NCAM1: variants seen among roughly 807,000 people sequenced by gnomAD.
NCAM1 encodes the protein neural cell adhesion molecule 1, also known as antigen recognized by monoclonal antibody 5.1H11.
NCAM1 carries 14 observed loss-of-function variants against 109.8 expected under a neutral mutation model. That is an observed-to-expected ratio of 0.13 (90% CI 0.08 to 0.20). The LOEUF (loss-of-function observed/expected upper bound fraction) is 0.20. Among genes scored for constraint, NCAM1 ranks in the 10% least tolerant of loss-of-function variants. NCAM1 has a pLI of 1.00. For missense variants in NCAM1, 774 were observed against 1,109.9 expected (o/e 0.70, Z 4.30); for synonymous variants, 418 against 442.9 (o/e 0.94, Z 0.70).
chr11:113,265,062 T>C (rs1166548648), intron 17 of NCAM1: 2 of 985,326 alleles, frequency 2.0e-6, no homozygotes, highest in Non-Finnish European at 2.4e-6. Flanking sequence ...TTGCTCATTT[T>C]TGGACTATTT....
chr11:113,215,237 A>C (rs1944494376), intron 8 of NCAM1, among the ~76,000 whole-genome samples: 1 of 152,220 alleles, frequency 6.6e-6, no homozygotes, highest in Non-Finnish European at 1.5e-5. Context: ...AGGTGACCCC[A>C]CATCATACAG....
chr11:113,201,684 C>A (rs1351064772), intron 1 of NCAM1, among the ~76,000 whole-genome samples: 6 of 152,168 alleles, frequency 3.9e-5, no homozygotes, highest in African/African-American at 1.4e-4. Context: ...GGGAAAGTAG[C>A]CAAGGGACCC....
chr11:113,006,099 C>G (rs1555073275), intron 1 of NCAM1, among the ~76,000 whole-genome samples: 1 of 152,070 alleles, frequency 6.6e-6, no homozygotes, highest in Non-Finnish European at 1.5e-5. Flanking sequence ...TCAAAAAATT[C>G]TGGCAGTTTC....
rs2137815423 is a variant in NCAM1, at chr11:113,274,681, G to A, written c.2457-586G>A. 6.6e-6 allele frequency among the ~76,000 whole-genome samples: 1 copy of A among 152,284 alleles called. No individual in the cohort carries two copies. The highest frequency in any genetic ancestry group is 6.5e-5 in the Admixed American group (1 of 15,294). The stretch of plus-strand genomic sequence containing the variant: ...CAGGCCCACTCTAGTACCCCACCAG[G>A]CTGCCATGAAAAGCTGCCTCCATCA... On this transcript the variant is annotated intron_variant, in intron 19 of 19. Coordinates refer to ENST00000316851, the MANE Select transcript of NCAM1 (RefSeq NM_181351.5). The surrounding 1 kb of genome is among the most constrained non-coding windows in gnomAD (Gnocchi z 4.1).
chr11:113,153,429 GA>G (rs1185143725), intron 1 of NCAM1, among the ~76,000 whole-genome samples: 157 of 151,126 alleles, frequency 1.0e-3, no homozygotes, highest in African/African-American at 3.6e-3. Flanking sequence ...TGGCAGTGGG[GA>G]GGGGGGGCAC....
At position 113,233,517 on chromosome 11, in the gene NCAM1, G is replaced by A. The variant is rs1369107440; in HGVS notation, c.1693+200G>A. ...CTGTGCTTCAGAGCCTGGTTCTCAT[G>A]ACCCTTCCAGTATGGATGAAGGCAT... On this transcript the variant is annotated intron_variant, in intron 13 of 19. Transcript: ENST00000316851. This position sits in a 1 kb window ranked among gnomAD's most constrained non-coding sequence, Gnocchi z 4.5. Among the ~76,000 whole-genome samples the A allele has an allele frequency of 6.6e-6, 1 of 152,186 alleles. No homozygotes were observed. Among genetic ancestry groups the A allele is most frequent in the African/African-American group, 2.4e-5 (1 of 41,436 alleles).
intron 1 of NCAM1, among the ~76,000 whole-genome samples, chr11:113,027,135 C>A (rs1952570464): frequency 6.6e-6 from 1 of 152,228 alleles, no homozygotes; most frequent in African/African-American, 2.4e-5. Flanking sequence ...CAATATAATT[C>A]TCTGTACAAT....
intron 1 of NCAM1, among the ~76,000 whole-genome samples, chr11:113,173,170 A>G (rs180870072): frequency 1.3e-3 from 191 of 152,294 alleles, no homozygotes; most frequent in African/African-American, 4.1e-3. Flanking sequence ...TACATTAGCC[A>G]TGTTTTTGAT....
chr11:113,008,295 G>T (rs112097975), intron 1 of NCAM1, among the ~76,000 whole-genome samples: 2 of 152,248 alleles, frequency 1.3e-5, no homozygotes, highest in South Asian at 2.1e-4. Context: ...TCACAGATAG[G>T]GGGGCAGGGG....
At chr11:113,012,668 G>T (rs1952100100) in intron 1 of NCAM1, among the ~76,000 whole-genome samples, 1 of 152,164 alleles carries the variant, frequency 6.6e-6, no homozygotes, top group African/African-American at 2.4e-5. Context: ...TCCAGTCTTT[G>T]CCTGTGTTGT....
chr11:113,180,055 C>T (rs1180772382), intron 1 of NCAM1, among the ~76,000 whole-genome samples: 2 of 152,208 alleles, frequency 1.3e-5, no homozygotes, highest in Non-Finnish European at 2.9e-5. Flanking sequence ...CCAGGAACAG[C>T]AGCAACATCT....
At chr11:113,237,909 TATATAG>T (rs1565521291) in intron 14 of NCAM1, among the ~76,000 whole-genome samples, 34 of 16,150 alleles carry the variant, frequency 2.1e-3, no homozygotes, top group East Asian at 0.012. Flanking sequence ...TATATAGATA[TATATAG>T]ATATATAGAT....
chr11:113,164,650 A>G (rs1468961469), intron 1 of NCAM1, among the ~76,000 whole-genome samples: 8 of 152,186 alleles, frequency 5.3e-5, no homozygotes, highest in Non-Finnish European at 1.2e-4. Flanking sequence ...CAGCCAGATG[A>G]AAAGGTACTC....
intron 1 of NCAM1, among the ~76,000 whole-genome samples, chr11:113,051,049 A>T (rs573706081): frequency 6.6e-6 from 1 of 152,328 alleles, no homozygotes; most frequent in East Asian, 1.9e-4. Context: ...TAGGGAACCC[A>T]TGGACTAGCT....
chr11:113,075,695 C>T (rs1555086003), intron 1 of NCAM1, among the ~76,000 whole-genome samples: 1 of 152,130 alleles, frequency 6.6e-6, no homozygotes, highest in Admixed American at 6.5e-5. Flanking sequence ...ATGGGTGATT[C>T]ATAAGAAATT....
chr11:113,076,005 A>G (rs188587084), intron 1 of NCAM1, among the ~76,000 whole-genome samples: 2 of 152,354 alleles, frequency 1.3e-5, no homozygotes, highest in African/African-American at 2.4e-5. Flanking sequence ...ACTAAAAGAA[A>G]TGCCTAAAAC....
At chr11:113,227,413 C>G (rs545606203) in intron 9 of NCAM1, among the ~76,000 whole-genome samples, 1 of 149,794 alleles carries the variant, frequency 6.7e-6, no homozygotes, top group Non-Finnish European at 1.5e-5. Context: ...AGACCAATAA[C>G]AGGCTCTGAA....
chr11:113,240,771 T>A, intron 14 of NCAM1: 1 of 1,612,804 alleles, frequency 6.2e-7, no homozygotes, highest in South Asian at 1.1e-5. Context: ...CCCACCTTCA[T>A]TTTTCTTTCT....
chr11:113,186,110 C>A (rs1442295119), intron 1 of NCAM1, among the ~76,000 whole-genome samples: 1 of 152,170 alleles, frequency 6.6e-6, no homozygotes, highest in Non-Finnish European at 1.5e-5. Context: ...TGCAAACAGT[C>A]CTTACAAAGT....
Sources: allele counts gnomAD v4.1 joint callset (sites outside exome capture counted in the v4.1 genomes callset), GRCh38; gene constraint gnomAD v4.1.1; non-coding constraint Gnocchi (gnomAD v3.1); transcripts MANE v1.5; gene names NCBI Gene and HGNC (gene_info 2026-07-23, HGNC 2026-07-21).